Variants in SHISA9 observed in about 807,000 individuals in gnomAD.
SHISA9 encodes the protein shisa family member 9.
SHISA9 carries 13 observed loss-of-function variants against 38.0 expected under a neutral mutation model. That is an observed-to-expected ratio of 0.34 (90% CI 0.22 to 0.54). The LOEUF is 0.54. SHISA9 is among the 20% of genes least tolerant of loss of function. The pLI, the probability that SHISA9 is intolerant of heterozygous loss-of-function variation, is 0.91. For missense variants in SHISA9, 538 were observed against 575.8 expected (o/e 0.93, Z 0.67); for synonymous variants, 275 against 242.0 (o/e 1.14, Z -1.27).
chr16:12,916,624 G>C, intron 1 of SHISA9, 64 bp from the exon 2 acceptor site: 3 of 1,514,554 alleles, frequency 2.0e-6, no homozygotes, highest in Non-Finnish European at 2.7e-6. Flanking sequence ...TGCAGTACTC[G>C]GCGCATAGCA....
the SHISA9 span, among the ~76,000 whole-genome samples, chr16:13,360,434 G>T: frequency 6.6e-6 from 1 of 152,122 alleles, no homozygotes; most frequent in Admixed American, 6.5e-5. Flanking sequence ...AATCATGGGG[G>T]CGGTTTCCCC....
At chr16:13,064,631 G>A (rs917497772) in intron 2 of SHISA9, among the ~76,000 whole-genome samples, 4 of 151,944 alleles carry the variant, frequency 2.6e-5, no homozygotes, top group Non-Finnish European at 2.9e-5. Context: ...AGCCAATAAC[G>A]GAAGTTTGCA....
chr16:13,355,201 G>A, the SHISA9 span, among the ~76,000 whole-genome samples: 1 of 149,742 alleles, frequency 6.7e-6, no homozygotes, highest in African/African-American at 2.5e-5. Flanking sequence ...TTTTAGGACA[G>A]GTAAAATGGG....
chr16:13,346,380 C>G, the SHISA9 span, among the ~76,000 whole-genome samples: 1 of 152,176 alleles, frequency 6.6e-6, no homozygotes, highest in South Asian at 2.1e-4. Flanking sequence ...TCAGGCAAAA[C>G]TGGGTTTCCT....
chr16:12,939,250 A>C (rs2071577272), intron 2 of SHISA9, among the ~76,000 whole-genome samples: 1 of 151,486 alleles, frequency 6.6e-6, no homozygotes, highest in East Asian at 2.0e-4. Context: ...CGCCTGGCTA[A>C]TTTTTGTGTT....
intron 2 of SHISA9, among the ~76,000 whole-genome samples, chr16:13,060,110 G>C (rs1218131356): frequency 6.6e-6 from 1 of 152,196 alleles, no homozygotes; most frequent in East Asian, 1.9e-4. Flanking sequence ...TGACAGTTAA[G>C]TGCAGGTGGC....
At chr16:13,142,573 C>G (rs183270605) in intron 2 of SHISA9, among the ~76,000 whole-genome samples, 67 of 152,306 alleles carry the variant, frequency 4.4e-4, no homozygotes, top group Admixed American at 2.2e-3. Context: ...CCTTGCCTCT[C>G]CTGTGAAGTC....
At chr16:13,168,961 C>T (rs2050661870) in intron 2 of SHISA9, among the ~76,000 whole-genome samples, 1 of 152,230 alleles carries the variant, frequency 6.6e-6, no homozygotes, top group African/African-American at 2.4e-5. Context: ...GAGTGATTGT[C>T]ACCATGATCA....
At chr16:12,910,701 A>G in intron 1 of SHISA9, 1 of 985,452 alleles carries the variant, frequency 1.0e-6, no homozygotes, top group South Asian at 4.7e-5. Context: ...GCTATCAAGA[A>G]AAAGCTTAGC....
At chr16:13,460,203 C>T in the SHISA9 span, among the ~76,000 whole-genome samples, 1 of 152,116 alleles carries the variant, frequency 6.6e-6, no homozygotes. Flanking sequence ...CATCCCTGTC[C>T]TCTGGGAGAT....
the SHISA9 span, among the ~76,000 whole-genome samples, chr16:13,503,211 G>T: frequency 6.6e-6 from 1 of 152,162 alleles, no homozygotes; most frequent in East Asian, 1.9e-4. Flanking sequence ...AGCCTAGTTT[G>T]CTGGGAGCAT....
At chr16:12,922,334 G>C (rs1314087016) in intron 2 of SHISA9, among the ~76,000 whole-genome samples, 1 of 152,202 alleles carries the variant, frequency 6.6e-6, no homozygotes, top group African/African-American at 2.4e-5. Context: ...AACCCTCAAA[G>C]AGCCAGGCTC....
the SHISA9 span, among the ~76,000 whole-genome samples, chr16:13,316,978 C>T: frequency 1.3e-5 from 2 of 152,322 alleles, no homozygotes; most frequent in East Asian, 1.9e-4. Context: ...GTGGTATCTT[C>T]GTGTTCCTTC....
At chr16:13,126,387 A>G (rs2050256355) in intron 2 of SHISA9, among the ~76,000 whole-genome samples, 1 of 152,168 alleles carries the variant, frequency 6.6e-6, no homozygotes. Context: ...GGTCAGGCAA[A>G]GAATGGGCAG....
intron 2 of SHISA9, among the ~76,000 whole-genome samples, chr16:13,109,066 C>A (rs921868811): frequency 6.6e-6 from 1 of 152,136 alleles, no homozygotes; most frequent in Non-Finnish European, 1.5e-5. Flanking sequence ...AAATTATTAT[C>A]TTTTTGTGTG....
chr16:13,522,505 C>T, the SHISA9 span, among the ~76,000 whole-genome samples: 447 of 152,234 alleles, frequency 2.9e-3, 6 homozygotes, highest in African/African-American at 0.01. Flanking sequence ...AGTCCCCCCC[C>T]GATTTCCTTT....
At chr16:13,058,923 T>C (rs549998186) in intron 2 of SHISA9, among the ~76,000 whole-genome samples, 1 of 152,122 alleles carries the variant, frequency 6.6e-6, no homozygotes, top group Non-Finnish European at 1.5e-5. Context: ...CCAAGACACG[T>C]GATGAGTGTG....
the SHISA9 span, among the ~76,000 whole-genome samples, chr16:13,529,509 A>T: frequency 6.6e-6 from 1 of 152,206 alleles, no homozygotes; most frequent in African/African-American, 2.4e-5. Context: ...GCCTTGATTT[A>T]TGACTTTGCT....
In SHISA9 at chr16:13,098,427, A is replaced by AC. The variant is rs1348386008; in HGVS notation, c.692-104967_692-104966insC. ...GTTCTGTGTTACCATATACCCATTA[A>AC]GATCCCAGCAACCCAGGGAGTCACC... On this transcript the variant is annotated intron_variant, in intron 2 of 4. Transcript: ENST00000558583. Among the ~76,000 whole-genome samples the AC allele has an allele frequency of 2.0e-5, 3 of 152,190 alleles. No individual in the cohort carries two copies. In the East Asian group the frequency reaches 5.8e-4, roughly 29 times the overall value.
Sources: gnomAD v4.1 joint callset for allele counts (sites outside exome capture counted in the v4.1 genomes callset) on GRCh38, gnomAD v4.1.1 for gene constraint, MANE v1.5 for transcripts, NCBI Gene and HGNC (gene_info 2026-07-23, HGNC 2026-07-21) for gene names.